DPP10: variants seen among roughly 807,000 people sequenced by gnomAD.
The protein encoded by DPP10 is inactive dipeptidyl peptidase 10.
Under a neutral mutation model 120.9 loss-of-function variants are expected in DPP10, and 33 were observed. That is an observed-to-expected ratio of 0.27 (90% CI 0.21 to 0.37). The LOEUF (loss-of-function observed/expected upper bound fraction) is 0.37. Ranked by LOEUF, DPP10 falls within the 10% of genes least tolerant of loss-of-function variation. The pLI, the probability that DPP10 is intolerant of heterozygous loss-of-function variation, is 1.00. For missense variants in DPP10, 816 were observed against 942.8 expected, an observed-to-expected ratio of 0.87 and a Z score of 1.76; for synonymous variants, 337 against 326.1, an observed-to-expected ratio of 1.03 and a Z score of -0.36.
chr2:114,700,321 T>C (rs1160408993), intron 1 of DPP10, among the ~76,000 whole-genome samples: 1 of 152,038 alleles, frequency 6.6e-6, no homozygotes, highest in African/African-American at 2.4e-5. Flanking sequence ...GCATATCCAA[T>C]AGACAGAGTA....
At chr2:114,794,414 G>A (rs867364899) in intron 1 of DPP10, among the ~76,000 whole-genome samples, 3 of 152,178 alleles carry the variant, frequency 2.0e-5, no homozygotes, top group Non-Finnish European at 2.9e-5. Context: ...CAGAGAAAGC[G>A]AGGGTGTTCC....
intron 3 of DPP10, among the ~76,000 whole-genome samples, chr2:115,366,475 A>G (rs573021297): frequency 6.6e-6 from 1 of 152,010 alleles, no homozygotes; most frequent in African/African-American, 2.4e-5. Context: ...TACAATGTAC[A>G]TTGCTATGTA....
At chr2:115,744,795 A>G (rs1677738377) in intron 9 of DPP10, among the ~76,000 whole-genome samples, 1 of 150,288 alleles carries the variant, frequency 6.7e-6, no homozygotes, top group Non-Finnish European at 1.5e-5. Flanking sequence ...TTAAACATGG[A>G]TCTTCGTCAT....
At chr2:115,061,387 T>C (rs1296568720) in intron 1 of DPP10, among the ~76,000 whole-genome samples, 1 of 152,194 alleles carries the variant, frequency 6.6e-6, no homozygotes, top group Non-Finnish European at 1.5e-5. Flanking sequence ...TTTCCAGTTA[T>C]TCTTTGTGAT....
intron 2 of DPP10, among the ~76,000 whole-genome samples, chr2:115,312,084 C>T (rs2061602716): frequency 1.3e-5 from 2 of 152,024 alleles, no homozygotes; most frequent in Admixed American, 6.6e-5. Context: ...TTACAGTTTA[C>T]CAAGTGCATT....
chr2:115,295,025 A>G (rs1038750565), intron 1 of DPP10, among the ~76,000 whole-genome samples: 1 of 152,136 alleles, frequency 6.6e-6, no homozygotes, highest in African/African-American at 2.4e-5. Flanking sequence ...TAAATTACCC[A>G]TAATCGAATG....
intron 3 of DPP10, among the ~76,000 whole-genome samples, chr2:115,492,310 C>G (rs1183377740): frequency 6.6e-6 from 1 of 152,022 alleles, no homozygotes; most frequent in African/African-American, 2.4e-5. Context: ...AGAAAGTGAG[C>G]AGCATATGGA....
At chr2:115,288,272 G>A (rs920326000) in intron 1 of DPP10, among the ~76,000 whole-genome samples, 1 of 151,824 alleles carries the variant, frequency 6.6e-6, no homozygotes, top group Non-Finnish European at 1.5e-5. Flanking sequence ...GCATTTCCCT[G>A]ATGATTAGTG....
At chr2:114,773,783 T>C (rs1270066106) in intron 1 of DPP10, among the ~76,000 whole-genome samples, 3 of 152,164 alleles carry the variant, frequency 2.0e-5, no homozygotes, top group Non-Finnish European at 4.4e-5. Context: ...ATCTAAAATA[T>C]ATTAAAATCC....
intron 1 of DPP10, among the ~76,000 whole-genome samples, chr2:114,671,839 T>A (rs937865311): frequency 8.5e-5 from 13 of 152,130 alleles, no homozygotes; most frequent in African/African-American, 3.1e-4. Context: ...TTAAAAAAAA[T>A]ATATTAAGCA....
intron 1 of DPP10, among the ~76,000 whole-genome samples, chr2:115,177,711 C>G (rs1395775565): frequency 6.6e-6 from 1 of 152,130 alleles, no homozygotes; most frequent in Admixed American, 6.5e-5. Flanking sequence ...TGTTAGCAGA[C>G]ATGTTTATTT....
chr2:115,000,995 A>G (rs375650097), intron 1 of DPP10, among the ~76,000 whole-genome samples: 1 of 152,204 alleles, frequency 6.6e-6, no homozygotes, highest in African/African-American at 2.4e-5. Context: ...GTTCTGTGAC[A>G]TCTAAAAGTA....
At chr2:115,411,662 A>C (rs2104584572) in intron 3 of DPP10, among the ~76,000 whole-genome samples, 1 of 152,320 alleles carries the variant, frequency 6.6e-6, no homozygotes, top group Admixed American at 6.5e-5. Context: ...AGACTTGGGG[A>C]GTAAGCTGTC....
intron 1 of DPP10, among the ~76,000 whole-genome samples, chr2:114,893,366 G>C (rs915898938): frequency 2.0e-5 from 3 of 152,152 alleles, no homozygotes; most frequent in Non-Finnish European, 4.4e-5. Context: ...GAGATTCAAA[G>C]GAAAGAAACC....
chr2:115,214,343 G>A (rs1199108950), intron 1 of DPP10, among the ~76,000 whole-genome samples: 2 of 152,290 alleles, frequency 1.3e-5, no homozygotes, highest in East Asian at 3.9e-4. Context: ...CTTCTGTCTG[G>A]GGGTTAAGCT....
intron 1 of DPP10, among the ~76,000 whole-genome samples, chr2:114,760,810 T>G (rs1430640682): frequency 6.6e-6 from 1 of 152,126 alleles, no homozygotes; most frequent in Non-Finnish European, 1.5e-5. Context: ...ATTTCTGACT[T>G]CATAAAGATT....
intron 1 of DPP10, among the ~76,000 whole-genome samples, chr2:115,113,548 G>A (rs4452149): frequency 0.71 from 107,899 of 152,044 alleles, 38,696 homozygotes; most frequent in East Asian, 0.98. Flanking sequence ...ACTCACTAGC[G>A]TGCAGATTGA....
At chr2:114,725,196 C>G (rs1448179249) in intron 1 of DPP10, among the ~76,000 whole-genome samples, 1 of 152,180 alleles carries the variant, frequency 6.6e-6, no homozygotes, top group African/African-American at 2.4e-5. Flanking sequence ...AAAGTAAACT[C>G]TTCCATTAAA....
intron 5 of DPP10, among the ~76,000 whole-genome samples, chr2:115,567,601 C>G (rs77259931): frequency 6.6e-6 from 1 of 151,490 alleles, no homozygotes; most frequent in East Asian, 1.9e-4. Flanking sequence ...CTCAACCTCT[C>G]TAATGGATAA....
Sources: gnomAD v4.1 joint callset for allele counts (sites outside exome capture counted in the v4.1 genomes callset) on GRCh38, gnomAD v4.1.1 for gene constraint, MANE v1.5 for transcripts, NCBI Gene and HGNC (gene_info 2026-07-23, HGNC 2026-07-21) for gene names.